USP1: variants seen among roughly 807,000 people sequenced by gnomAD.
USP1 encodes the protein ubiquitin specific peptidase 1.
Under a neutral mutation model 72.2 loss-of-function variants are expected in USP1, and 18 were observed. The ratio of observed to expected loss-of-function variants is 0.25; its 90% CI spans 0.17 to 0.37. USP1 has a LOEUF of 0.37. USP1 is among the 10% of genes least tolerant of loss of function. USP1 has a pLI of 1.00. For missense variants in USP1, 759 were observed against 884.9 expected (o/e 0.86, Z 1.81); for synonymous variants, 354 against 303.7 (o/e 1.17, Z -1.72).
At chr1:62,442,139 G>A in intron 3 of USP1, 56 bp from the exon 4 acceptor site, 1 of 1,181,018 alleles carries the variant, frequency 8.5e-7, no homozygotes, top group Non-Finnish European at 1.2e-6. Context: ...TTGTTTTAAT[G>A]ATTTTACGTG....
At chr1:62,448,994 C>T (rs553677098) in intron 8 of USP1, among the ~76,000 whole-genome samples, 14 of 152,092 alleles carry the variant, frequency 9.2e-5, no homozygotes, top group Non-Finnish European at 1.8e-4. Flanking sequence ...GTGGTTCTCC[C>T]ACCTCAGCCT....
chr1:62,449,270 T>C (rs2149208037), intron 8 of USP1, among the ~76,000 whole-genome samples: 1 of 152,328 alleles, frequency 6.6e-6, no homozygotes, highest in Non-Finnish European at 1.5e-5. Flanking sequence ...GGGAACAAAT[T>C]TTGTATACAT....
rs542057454 is a variant in USP1, at chr1:62,450,181, T to C, written c.1623-65T>C. ...TTCAGATTTTTACTTGGTTTCAGAT[T>C]GGGGTATAACATTTTGAATTTAAAA... On this transcript the variant is annotated intron_variant, in intron 8 of 8. Transcript: ENST00000339950. 2.5e-5 allele frequency: 38 copies of C among 1,522,898 alleles called. No homozygotes were observed. In the South Asian group the frequency reaches 5.0e-4, roughly 20 times the overall value. The allele number at this position is 1,522,898 out of a possible 1,614,324, so 94.3% of individuals were successfully genotyped here.
chr1:62,441,341 C>A, intron 2 of USP1, 147 bp from the exon 3 acceptor site: 1 of 948,174 alleles, frequency 1.1e-6, no homozygotes, highest in Non-Finnish European at 1.4e-6. Context: ...ATTTTTGAGC[C>A]TGTATTTCTT....
At chr1:62,446,273 TCCTTGGGCCACACTGGAAGAAGTG>T (rs1411578127) in intron 6 of USP1, among the ~76,000 whole-genome samples, 1 of 151,934 alleles carries the variant, frequency 6.6e-6, no homozygotes, top group Non-Finnish European at 1.5e-5. Flanking sequence ...TCTTTTGGCT[TCCTTGGGCCACACTGGAAGAAGTG>T]TCTTGGGCCA....
chr1:62,438,376 A>C (rs1364469912), intron 1 of USP1, among the ~76,000 whole-genome samples: 1 of 152,214 alleles, frequency 6.6e-6, no homozygotes, highest in East Asian at 1.9e-4. Context: ...TTAGGTAGAC[A>C]GGAGAGTAAG....
In USP1 at chr1:62,450,979, T is replaced by C. The variant is rs1254129603; in HGVS notation, c.2356T>C (p.Ter786GlnextTer27). 3 of 1,580,310 alleles carry C rather than the reference T, an allele frequency of 1.9e-6. No homozygotes were observed. The highest frequency in any genetic ancestry group is 2.6e-6 in the Non-Finnish European group (3 of 1,169,722). Residue 786 changes from the stop codon to glutamine (Q), a stop_lost, in exon 9 of 9, where the codon TAG (stop) becomes CAG (glutamine). Coordinates refer to ENST00000339950, the MANE Select transcript of USP1 (RefSeq NM_003368.5). ...TTACTTGCTATTTTATAAGAAATTA[T>C]AGAGTGAGTGTATTTTCCTTGTGTA... is the stretch of plus-strand genomic sequence containing the variant. ...TPYLLFYKKL[*>Q]
At chr1:62,440,101 C>A in intron 2 of USP1, 64 bp downstream of exon 2, 1 of 1,334,626 alleles carries the variant, frequency 7.5e-7, no homozygotes, top group Non-Finnish European at 9.8e-7. Flanking sequence ...ACTTGGTTGA[C>A]AACTCCAGTC....
chr1:62,437,676 G>A (rs575824597), intron 1 of USP1, among the ~76,000 whole-genome samples: 1 of 152,206 alleles, frequency 6.6e-6, no homozygotes, highest in Non-Finnish European at 1.5e-5. Context: ...AGCCTCCCCC[G>A]ACCGGGCAGC....
intron 6 of USP1, 54 bp downstream of exon 6, chr1:62,445,483 A>T (rs1645165352): frequency 7.0e-7 from 1 of 1,428,826 alleles, no homozygotes; most frequent in South Asian, 1.6e-5. Flanking sequence ...CTACAGAATT[A>T]GAATTTTCTC....
intron 8 of USP1, 95 bp from the exon 9 acceptor site, chr1:62,450,151 G>A (rs1645203891): frequency 1.4e-6 from 2 of 1,459,434 alleles, no homozygotes; most frequent in Non-Finnish European, 1.8e-6. Flanking sequence ...GATATTAAGG[G>A]TTCATTCAGA....
chr1:62,437,738 G>A (rs1645101104), intron 1 of USP1, among the ~76,000 whole-genome samples: 1 of 152,262 alleles, frequency 6.6e-6, no homozygotes, highest in African/African-American at 2.4e-5. Context: ...GAGCGGTGAA[G>A]GATGGGGAGA....
intron 1 of USP1, among the ~76,000 whole-genome samples, chr1:62,439,553 C>A (rs955287855): frequency 6.6e-6 from 1 of 152,134 alleles, no homozygotes; most frequent in African/African-American, 2.4e-5. Flanking sequence ...TTTTGTAATG[C>A]GACCCTTAAT....
intron 1 of USP1, among the ~76,000 whole-genome samples, chr1:62,437,658 C>T (rs1372651910): frequency 6.6e-6 from 1 of 152,216 alleles, no homozygotes; most frequent in African/African-American, 2.4e-5. Context: ...GCCGAGGACG[C>T]CGCCGCCAGC....
Position 62,450,961 on chromosome 1 carries a change from C to G in USP1, c.2338C>G (p.Leu780Val). 6.3e-7 allele frequency: 1 copy of G among 1,593,604 alleles called. No homozygotes were observed. The highest frequency in any genetic ancestry group is 8.5e-7 in the Non-Finnish European group (1 of 1,174,310). The stretch of plus-strand genomic sequence containing the variant: ...ATCTCCTACTTCTACTCCTTACTTG[C>G]TATTTTATAAGAAATTATAGAGTGA... The part of the protein sequence containing the change: ...STSPTSTPYL[L>V]FYKKL The change falls in exon 9 of 9, where the codon CTA (leucine) becomes GTA (valine). Residue 780 changes from leucine to valine, a missense_variant. By Grantham distance (32) the Leu-to-Val change is conservative. Coordinates refer to ENST00000339950, the MANE Select transcript of USP1 (RefSeq NM_003368.5).
rs770310643 is a variant in USP1 at position 62,444,890 on chromosome 1, C to T, written c.710C>T (p.Pro237Leu). The T allele has an allele frequency of 1.2e-6, 2 of 1,613,086 alleles. No individual in the cohort carries two copies. Among genetic ancestry groups the T allele is most frequent in the African/African-American group, 1.3e-5 (1 of 74,882 alleles). Residue 237 changes from proline (P) to leucine (L), a missense_variant, in exon 6 of 9, where the codon CCT becomes CTT. Coordinates refer to ENST00000339950, the MANE Select transcript of USP1 (RefSeq NM_003368.5). ...AELPTKVEEIPHPKEEMNGIN... is the reference protein window; with the variant it reads ...AELPTKVEEILHPKEEMNGIN... ...TTACCTACTAAGGTAGAAGAAATAC[C>T]TCATCCGAAAGAGGAAATGAATGGT...
At chr1:62,439,394 AG>A (rs1645116397) in intron 1 of USP1, among the ~76,000 whole-genome samples, 1 of 152,174 alleles carries the variant, frequency 6.6e-6, no homozygotes, top group South Asian at 2.1e-4. Flanking sequence ...CATGTTGGTC[AG>A]GCTGGTCTCG....
intron 1 of USP1, among the ~76,000 whole-genome samples, chr1:62,437,800 C>T (rs956976127): frequency 1.3e-5 from 2 of 152,170 alleles, no homozygotes; most frequent in African/African-American, 4.8e-5. Flanking sequence ...GAAATTTTAC[C>T]GCGCATTTTC....
intron 8 of USP1, among the ~76,000 whole-genome samples, chr1:62,449,887 G>C (rs1307228220): frequency 6.6e-6 from 1 of 151,514 alleles, no homozygotes; most frequent in Non-Finnish European, 1.5e-5. Context: ...CAGTCAGCCT[G>C]GGTGACAGAC....
Sources: allele counts gnomAD v4.1 joint callset (sites outside exome capture counted in the v4.1 genomes callset), GRCh38; gene constraint gnomAD v4.1.1; transcripts MANE v1.5; gene names NCBI Gene and HGNC (gene_info 2026-07-23, HGNC 2026-07-21).